The following CSMD1 variants were observed in gnomAD, a reference collection of about 807,000 sequenced individuals.
CSMD1 encodes the protein CUB and sushi domain-containing protein 1.
CSMD1 carries 213 observed loss-of-function variants against 417.5 expected under a neutral mutation model. The observed-to-expected ratio is 0.51, with a 90% CI of 0.46 to 0.57. The LOEUF is 0.57. Among genes scored for constraint, CSMD1 ranks in the 20% least tolerant of loss-of-function variants. The pLI is 0.00. For synonymous variants in CSMD1, 2,862 were observed against 1,736.8 expected, an observed-to-expected ratio of 1.65 and a Z score of -16.11; for missense variants, 6,923 against 4,529.7, an observed-to-expected ratio of 1.53 and a Z score of -15.17.
At chr8:4,407,875 A>G (rs10089026) in intron 3 of CSMD1, among the ~76,000 whole-genome samples, 27,947 of 152,144 alleles carry the variant, frequency 0.18, 3,098 homozygotes, top group East Asian at 0.26. Context: ...TTGAAAGCTC[A>G]TATTTATGAG....
At chr8:4,382,091 C>G (rs543984331) in intron 3 of CSMD1, among the ~76,000 whole-genome samples, 1 of 152,190 alleles carries the variant, frequency 6.6e-6, no homozygotes, top group Non-Finnish European at 1.5e-5. Context: ...CTTCTTGACA[C>G]ATAGCACTGT....
chr8:3,297,661 G>A (rs866558709), intron 25 of CSMD1, among the ~76,000 whole-genome samples: 5 of 152,054 alleles, frequency 3.3e-5, no homozygotes, highest in African/African-American at 1.2e-4. Context: ...TATCCCCAGT[G>A]GAATAGAGAT....
At chr8:4,305,833 C>T (rs574914166) in intron 3 of CSMD1, among the ~76,000 whole-genome samples, 2 of 152,274 alleles carry the variant, frequency 1.3e-5, no homozygotes, top group East Asian at 3.9e-4. Flanking sequence ...CATACTGTAA[C>T]TTGCCGATCT....
At chr8:4,189,946 G>C (rs571429619) in intron 3 of CSMD1, among the ~76,000 whole-genome samples, 1 of 151,582 alleles carries the variant, frequency 6.6e-6, no homozygotes, top group Admixed American at 6.6e-5. Flanking sequence ...AAAAAGCAGA[G>C]AGCATAGTGT....
intron 5 of CSMD1, among the ~76,000 whole-genome samples, chr8:3,900,353 G>A (rs1010937738): frequency 1.3e-5 from 2 of 151,218 alleles, no homozygotes; most frequent in Non-Finnish European, 2.9e-5. Flanking sequence ...CAGTGTAGCT[G>A]GTTGACAGCA....
intron 3 of CSMD1, among the ~76,000 whole-genome samples, chr8:4,168,167 A>G (rs2131124776): frequency 6.6e-6 from 1 of 151,592 alleles, no homozygotes; most frequent in African/African-American, 2.4e-5. Context: ...ACACACACAC[A>G]CACACACACA....
At chr8:4,962,040 G>C (rs1049503882) in intron 1 of CSMD1, among the ~76,000 whole-genome samples, 3 of 150,786 alleles carry the variant, frequency 2.0e-5, no homozygotes, top group Admixed American at 6.6e-5. Flanking sequence ...CTTTGGGAAG[G>C]TTTTTTTGAT....
chr8:4,521,335 C>G (rs1359103717), intron 2 of CSMD1, among the ~76,000 whole-genome samples: 6 of 151,946 alleles, frequency 3.9e-5, no homozygotes, highest in Admixed American at 3.9e-4. Context: ...GGAAGATGAG[C>G]TGGGAAGCCT....
chr8:3,962,949 GT>G (rs1403499031), intron 5 of CSMD1, among the ~76,000 whole-genome samples: 1 of 151,994 alleles, frequency 6.6e-6, no homozygotes, highest in East Asian at 1.9e-4. Flanking sequence ...GTTTCGTTTT[GT>G]TTTTTAGATG....
chr8:3,403,375 C>T (rs1035142465), intron 15 of CSMD1, among the ~76,000 whole-genome samples: 8 of 152,142 alleles, frequency 5.3e-5, no homozygotes, highest in African/African-American at 1.9e-4. Context: ...AGGCAGTGAT[C>T]GGGGTACCCG....
intron 38 of CSMD1, among the ~76,000 whole-genome samples, chr8:3,158,298 A>T (rs1250929305): frequency 2.0e-5 from 3 of 152,012 alleles, no homozygotes; most frequent in Non-Finnish European, 2.9e-5. Context: ...CATTCACCAG[A>T]ATTTACAGCT....
At chr8:3,842,458 C>A (rs1375403959) in intron 5 of CSMD1, among the ~76,000 whole-genome samples, 1 of 152,008 alleles carries the variant, frequency 6.6e-6, no homozygotes, top group Non-Finnish European at 1.5e-5. Flanking sequence ...TGATTTTATT[C>A]TCATTGTTCA....
intron 2 of CSMD1, among the ~76,000 whole-genome samples, chr8:4,605,959 C>A (rs528784416): frequency 6.6e-6 from 1 of 152,086 alleles, no homozygotes; most frequent in Non-Finnish European, 1.5e-5. Context: ...CTAAGCTAGA[C>A]CAGAGCAGAG....
intron 15 of CSMD1, among the ~76,000 whole-genome samples, chr8:3,400,794 AT>A (rs1811993920): frequency 1.3e-5 from 2 of 151,254 alleles, no homozygotes; most frequent in African/African-American, 4.8e-5. Context: ...TATAGATCAT[AT>A]TTTTTGATAT....
At chr8:3,765,139 A>G (rs1563056633) in intron 5 of CSMD1, among the ~76,000 whole-genome samples, 1 of 152,088 alleles carries the variant, frequency 6.6e-6, no homozygotes, top group Non-Finnish European at 1.5e-5. Flanking sequence ...TTATAATATG[A>G]ATCGATTTGT....
intron 1 of CSMD1, among the ~76,000 whole-genome samples, chr8:4,935,905 G>A (rs6994327): frequency 0.92 from 140,074 of 152,238 alleles, 64,803 homozygotes; most frequent in East Asian, 1. Context: ...TTCCTCCCCA[G>A]CAGGATGCTC....
chr8:4,003,415 CAAACAAAT>C (rs1433087266), intron 4 of CSMD1, among the ~76,000 whole-genome samples: 13 of 134,084 alleles, frequency 9.7e-5, no homozygotes, highest in African/African-American at 3.5e-4. Flanking sequence ...AACAAAAAAA[CAAACAAAT>C]AAATAAATAA....
At chr8:3,062,555 A>G (rs891854365) in intron 49 of CSMD1, among the ~76,000 whole-genome samples, 1 of 133,586 alleles carries the variant, frequency 7.5e-6, no homozygotes, top group Admixed American at 7.5e-5. Context: ...AACAAAACAC[A>G]TTAAAAAAAA....
chr8:4,941,973 G>A (rs777684913), intron 1 of CSMD1, among the ~76,000 whole-genome samples: 1 of 152,108 alleles, frequency 6.6e-6, no homozygotes, highest in African/African-American at 2.4e-5. Flanking sequence ...AGTATGTGTT[G>A]TTTTTAAAAG....
Sources: gnomAD v4.1 joint callset for allele counts (sites outside exome capture counted in the v4.1 genomes callset) on GRCh38, gnomAD v4.1.1 for gene constraint, MANE v1.5 for transcripts, NCBI Gene and HGNC (gene_info 2026-07-23, HGNC 2026-07-21) for gene names.